GRK5: variants seen among roughly 807,000 people sequenced by gnomAD.
GRK5 encodes G protein-coupled receptor kinase 5, also known as g protein-coupled receptor kinase GRK5.
GRK5 carries 40 observed loss-of-function variants against 78.4 expected under a neutral mutation model. The ratio of observed to expected loss-of-function variants is 0.51; its 90% confidence interval spans 0.40 to 0.66. The LOEUF is 0.66. Among genes scored for constraint, GRK5 ranks in the 30% least tolerant of loss-of-function variants. The pLI, the probability that GRK5 is intolerant of heterozygous loss-of-function variation, is 0.00. For missense variants in GRK5, 598 were observed against 759.9 expected (o/e 0.79, Z 2.50); for synonymous variants, 289 against 296.8 (o/e 0.97, Z 0.27).
intron 4 of GRK5, 47 bp downstream of exon 4, chr10:119,396,819 T>C (rs767480071): frequency 2.8e-6 from 4 of 1,438,808 alleles, no homozygotes; most frequent in East Asian, 2.3e-5. Context: ...GGAGGCCTTA[T>C]GCAAAAATAG....
At chr10:119,419,896 T>TG (rs991225442) in intron 4 of GRK5, among the ~76,000 whole-genome samples, 1 of 152,234 alleles carries the variant, frequency 6.6e-6, no homozygotes, top group Non-Finnish European at 1.5e-5. Flanking sequence ...GCCTCTGCTA[T>TG]GGGACCAAAC....
intron 1 of GRK5, among the ~76,000 whole-genome samples, chr10:119,304,384 G>A (rs1019739018): frequency 1.0e-4 from 15 of 148,164 alleles, no homozygotes; most frequent in Middle Eastern, 3.6e-3. Context: ...CCGCCTCCTA[G>A]GGTTCAAGCA....
chr10:119,348,799 C>T (rs978243015), intron 2 of GRK5, among the ~76,000 whole-genome samples: 13 of 152,216 alleles, frequency 8.5e-5, no homozygotes, highest in African/African-American at 3.1e-4. Flanking sequence ...CAAGTTTGAG[C>T]ACCAGGAGGC....
At chr10:119,294,889 C>G (rs757556092) in intron 1 of GRK5, among the ~76,000 whole-genome samples, 2 of 152,118 alleles carry the variant, frequency 1.3e-5, no homozygotes, top group Non-Finnish European at 2.9e-5. Flanking sequence ...TAGAAAAAGT[C>G]TGGGCAGGGC....
At chr10:119,249,606 T>C (rs1359936922) in intron 1 of GRK5, among the ~76,000 whole-genome samples, 2 of 152,256 alleles carry the variant, frequency 1.3e-5, no homozygotes, top group East Asian at 3.9e-4. Flanking sequence ...CAAGCAATTC[T>C]CTTGTCTCAG....
intron 2 of GRK5, among the ~76,000 whole-genome samples, chr10:119,330,509 C>T (rs887341303): frequency 6.6e-6 from 1 of 152,154 alleles, no homozygotes; most frequent in Non-Finnish European, 1.5e-5. Flanking sequence ...AATAACGTCA[C>T]GCTGGGGGTT....
intron 4 of GRK5, among the ~76,000 whole-genome samples, chr10:119,414,915 C>G (rs181926743): frequency 6.6e-6 from 1 of 151,876 alleles, no homozygotes; most frequent in South Asian, 2.1e-4. Context: ...AACACCGTCT[C>G]TACTAAAAAT....
At chr10:119,262,336 T>G (rs1849423465) in intron 1 of GRK5, among the ~76,000 whole-genome samples, 1 of 126,112 alleles carries the variant, frequency 7.9e-6, no homozygotes, top group Non-Finnish European at 1.6e-5. Flanking sequence ...TGGGTTTTTT[T>G]TTTTTTTTTT....
rs1481174415 is a variant in GRK5 at position 119,457,805 on chromosome 10, G to A, written c.*2738G>A. The stretch of plus-strand genomic sequence containing the variant: ...GAGTCCAAGCTATCCTCCTGCCTCA[G>A]CCTCCGAGGTAGCTGGGACCATAGG... On this transcript the variant is annotated 3_prime_UTR_variant, in exon 16 of 16. Transcript: ENST00000392870. The A allele has an allele frequency of 2.0e-5, 3 of 149,026 alleles. No individual in the cohort carries two copies. The highest frequency in any genetic ancestry group is 7.4e-5 in the African/African-American group (3 of 40,474). The allele number at this position is 149,026 out of a possible 1,614,324, so 9.2% of individuals were successfully genotyped here. A position where few individuals can be genotyped will look rare whatever the true frequency, so the allele number is the denominator to read the frequency against.
chr10:119,269,354 T>G (rs973846085), intron 1 of GRK5, among the ~76,000 whole-genome samples: 1 of 152,118 alleles, frequency 6.6e-6, no homozygotes, highest in Non-Finnish European at 1.5e-5. Flanking sequence ...CCCAAACCCA[T>G]GGAAGGGGTT....
At chr10:119,225,956 C>T (rs966033958) in intron 1 of GRK5, among the ~76,000 whole-genome samples, 3 of 151,564 alleles carry the variant, frequency 2.0e-5, no homozygotes, top group African/African-American at 7.3e-5. Context: ...TCACGCCATT[C>T]TCCTGCTTCA....
chr10:119,454,768 T>C (rs1178387713), intron 15 of GRK5, among the ~76,000 whole-genome samples: 2 of 152,176 alleles, frequency 1.3e-5, no homozygotes, highest in Non-Finnish European at 2.9e-5. Flanking sequence ...TCCACCCTGA[T>C]TGGAGGTTCT....
Position 119,325,390 on chromosome 10 carries a change from G to A in GRK5, c.53-1126G>A, listed in dbSNP as rs534494907. 5.9e-5 allele frequency among the ~76,000 whole-genome samples: 9 copies of A among 152,262 alleles called. No homozygotes were observed. In the South Asian group the frequency reaches 1.9e-3, roughly 32 times the overall value. On this transcript the variant is annotated intron_variant, in intron 1 of 15. Coordinates refer to ENST00000392870, the MANE Select transcript of GRK5 (RefSeq NM_005308.3). ...GAGAGGGCTGGAGCTGAGTGCCACT[G>A]GGCTCCCCTGGGTTGCTGGTGTGCA...
Position 119,447,069 on chromosome 10 carries a change from G to A in GRK5, c.1267-1054G>A, listed in dbSNP as rs532693863. Among the ~76,000 whole-genome samples the A allele has an allele frequency of 1.2e-4, 18 of 152,350 alleles. No individual in the cohort carries two copies. In the East Asian group the frequency reaches 2.1e-3, roughly 18 times the overall value. On this transcript the variant is annotated intron_variant, in intron 12 of 15. Coordinates refer to ENST00000392870, the MANE Select transcript of GRK5 (RefSeq NM_005308.3). ...AAGGCAGAGGAGAAGAGAGAATCAC[G>A]AGGCTGGGGCACTGGGAGTGCAGGT...
At chr10:119,305,742 C>T (rs1589733519) in intron 1 of GRK5, among the ~76,000 whole-genome samples, 1 of 152,192 alleles carries the variant, frequency 6.6e-6, no homozygotes, top group African/African-American at 2.4e-5. Context: ...AAGACCTAAC[C>T]TACGTGTCTC....
At chr10:119,315,617 G>C (rs1364888517) in intron 1 of GRK5, among the ~76,000 whole-genome samples, 2 of 152,224 alleles carry the variant, frequency 1.3e-5, no homozygotes, top group South Asian at 4.1e-4. Context: ...TGGAAATCCA[G>C]CCCTGCTGGC....
chr10:119,248,510 T>C (rs1274422349), intron 1 of GRK5, among the ~76,000 whole-genome samples: 1 of 152,160 alleles, frequency 6.6e-6, no homozygotes, highest in Non-Finnish European at 1.5e-5. Context: ...TTCTTTTTGA[T>C]ACTAAATGAA....
chr10:119,274,476 GACC>G (rs1849635421), intron 1 of GRK5, among the ~76,000 whole-genome samples: 1 of 152,192 alleles, frequency 6.6e-6, no homozygotes, highest in Non-Finnish European at 1.5e-5. Flanking sequence ...TTCAGAAGGT[GACC>G]AACCAGTGAA....
In GRK5 at chr10:119,311,009, G is replaced by A. The variant is rs954204336; in HGVS notation, c.53-15507G>A. ...TGGGTCAACAGACAGAGTGAGATGGGAAGAGGCACACCCAGGGGAGGGGCT... is the reference window on the plus strand; with the variant it reads ...TGGGTCAACAGACAGAGTGAGATGGAAAGAGGCACACCCAGGGGAGGGGCT... On this transcript the variant is annotated intron_variant, in intron 1 of 15. Coordinates refer to ENST00000392870, the MANE Select transcript of GRK5 (RefSeq NM_005308.3). 5.3e-5 allele frequency among the ~76,000 whole-genome samples: 8 copies of A among 152,256 alleles called. No homozygotes were observed. In the East Asian group the frequency reaches 1.2e-3, roughly 22 times the overall value.
Sources: gnomAD v4.1 joint callset for allele counts (sites outside exome capture counted in the v4.1 genomes callset) on GRCh38, gnomAD v4.1.1 for gene constraint, MANE v1.5 for transcripts, NCBI Gene and HGNC (gene_info 2026-07-23, HGNC 2026-07-21) for gene names.